Variants in BLK observed in about 807,000 individuals in gnomAD.
BLK encodes the protein tyrosine-protein kinase Blk.
A neutral mutation model predicts 61.8 loss-of-function variants in BLK; 64 were observed. The ratio of observed to expected loss-of-function variants is 1.03; its 90% CI spans 0.85 to 1.27. The LOEUF is 1.27. Among genes scored for constraint, BLK ranks in the 50% most tolerant of loss-of-function variants. The pLI, the probability that BLK is intolerant of heterozygous loss-of-function variation, is 0.00. For missense variants in BLK, 853 were observed against 660.5 expected (o/e 1.29, Z -3.19); for synonymous variants, 351 against 272.0 (o/e 1.29, Z -2.86).
intron 2 of BLK, among the ~76,000 whole-genome samples, chr8:11,543,572 G>GA (rs1800487731): frequency 6.6e-6 from 1 of 152,180 alleles, no homozygotes; most frequent in Non-Finnish European, 1.5e-5. Context: ...GCCTTGAAAA[G>GA]AAAAAGAAAT....
At chr8:11,562,872 G>A (rs1388180662) in intron 11 of BLK, 107 bp from the exon 12 acceptor site, 26 of 1,522,714 alleles carry the variant, frequency 1.7e-5, no homozygotes, top group South Asian at 2.4e-5. Flanking sequence ...GTGAGGCCCC[G>A]CAGTGGGGGC....
intron 10 of BLK, chr8:11,560,971 C>T (rs1209995139): frequency 5.8e-6 from 3 of 521,228 alleles, no homozygotes; most frequent in African/African-American, 3.8e-5. Flanking sequence ...ACCATTTCTT[C>T]TCTTCTCCCT....
intron 2 of BLK, 46 bp from the exon 3 acceptor site, chr8:11,546,006 A>G: frequency 2.5e-6 from 4 of 1,601,954 alleles, no homozygotes; most frequent in Non-Finnish European, 2.6e-6. Context: ...GGCCCCACCC[A>G]CGCAGCAGGG....
At position 11,525,479 on chromosome 8, in the gene BLK, C is replaced by G. The variant is rs564154572; in HGVS notation, c.-1-17745C>G. On this transcript the variant is annotated intron_variant, in intron 1 of 12. Transcript: ENST00000259089. ...GCAGGATTATATCATACAAAACATTCTGCAATTTACTCTTTTCATGTAACA... is the reference window on the plus strand; with the variant it reads ...GCAGGATTATATCATACAAAACATTGTGCAATTTACTCTTTTCATGTAACA... Among the ~76,000 whole-genome samples, 7 of 11,654 alleles carry G rather than the reference C, an allele frequency of 6.0e-4. No homozygotes were observed. The South Asian group carries it at 0.024, about 40-fold the overall frequency. The allele number at this position is 11,654 out of a possible 152,430, so 7.6% of individuals were successfully genotyped here. A position where few individuals can be genotyped will look rare whatever the true frequency, so the allele number is the denominator to read the frequency against.
intron 1 of BLK, among the ~76,000 whole-genome samples, chr8:11,504,075 G>A (rs535054210): frequency 6.6e-6 from 1 of 152,162 alleles, no homozygotes. Context: ...TGTAATCTCA[G>A]TACTTTGGGA....
At chr8:11,509,545 TC>T (rs1200529929) in intron 1 of BLK, 1 of 152,114 alleles carries the variant, frequency 6.6e-6, no homozygotes, top group East Asian at 1.9e-4. Flanking sequence ...TGCCAGTGTT[TC>T]CAGTCTCCCA....
At chr8:11,537,119 C>A (rs150590170) in intron 1 of BLK, among the ~76,000 whole-genome samples, 1 of 152,160 alleles carries the variant, frequency 6.6e-6, no homozygotes, top group Non-Finnish European at 1.5e-5. Context: ...GGTGAGGAAG[C>A]CTCATTTCAG....
At chr8:11,502,446 G>A (rs1369836374) in intron 1 of BLK, among the ~76,000 whole-genome samples, 4 of 152,062 alleles carry the variant, frequency 2.6e-5, no homozygotes. Flanking sequence ...TGGGATTACA[G>A]GCACCCGCCA....
intron 1 of BLK, among the ~76,000 whole-genome samples, chr8:11,534,686 T>G (rs919869184): frequency 6.6e-6 from 1 of 152,176 alleles, no homozygotes; most frequent in Non-Finnish European, 1.5e-5. Context: ...AAAATTGAAA[T>G]GGCCACATAA....
intron 1 of BLK, among the ~76,000 whole-genome samples, chr8:11,533,339 G>C (rs1799970209): frequency 1.3e-5 from 2 of 152,116 alleles, no homozygotes; most frequent in Non-Finnish European, 2.9e-5. Context: ...AAACCCGATG[G>C]AGGTGCTTCT....
In BLK at chr8:11,531,606, G is replaced by C. The variant is rs143503352; in HGVS notation, c.-1-11618G>C. On this transcript the variant is annotated intron_variant, in intron 1 of 12. Coordinates refer to ENST00000259089, the MANE Select transcript of BLK (RefSeq NM_001715.3). ...TTGGGGTTGATATTCTTGAGTCTTC[G>C]GGTCTATAGCTTCTATCAAATTTGG... 5.9e-3 allele frequency among the ~76,000 whole-genome samples: 894 copies of C among 152,158 alleles called. 6 individuals carry two copies. The highest frequency in any genetic ancestry group is 0.01 in the Non-Finnish European group (704 of 67,998).
In BLK at chr8:11,563,486, C is replaced by G. The variant is rs539716504; in HGVS notation, c.1312+376C>G. On this transcript the variant is annotated intron_variant, in intron 12 of 12. Transcript: ENST00000259089. ...CTTCCTGTGTGGCCAGAATCGTGGA[C>G]GACAGCCCCCAGCCCCAGTCGAAGG... Among the ~76,000 whole-genome samples the G allele has an allele frequency of 5.3e-5, 8 of 152,298 alleles. No individual in the cohort carries two copies. The East Asian group carries it at 1.5e-3, about 29-fold the overall frequency.
At chr8:11,525,276 G>A (rs879777575) in intron 1 of BLK, among the ~76,000 whole-genome samples, 1 of 152,272 alleles carries the variant, frequency 6.6e-6, no homozygotes, top group South Asian at 2.1e-4. Context: ...ATTACTTTCT[G>A]TTTAACCCAA....
intron 1 of BLK, among the ~76,000 whole-genome samples, chr8:11,535,052 C>A (rs955355775): frequency 6.6e-6 from 1 of 151,912 alleles, no homozygotes; most frequent in Non-Finnish European, 1.5e-5. Context: ...GCAGCACGTG[C>A]CTGTGGTCCT....
At chr8:11,503,679 C>A (rs1798651511) in intron 1 of BLK, among the ~76,000 whole-genome samples, 1 of 152,134 alleles carries the variant, frequency 6.6e-6, no homozygotes, top group Non-Finnish European at 1.5e-5. Context: ...CTGAGACTTG[C>A]AAGGAGACAC....
intron 1 of BLK, among the ~76,000 whole-genome samples, chr8:11,533,565 G>A (rs1455550198): frequency 1.4e-5 from 2 of 147,586 alleles, no homozygotes; most frequent in Non-Finnish European, 3.0e-5. Flanking sequence ...CTGTGCTTCA[G>A]TTTCTTCCCT....
chr8:11,540,325 A>G (rs913211092), intron 1 of BLK, among the ~76,000 whole-genome samples: 4 of 152,118 alleles, frequency 2.6e-5, no homozygotes, highest in Non-Finnish European at 4.4e-5. Context: ...TCTTTTTCAC[A>G]TACGCGATTC....
intron 3 of BLK, among the ~76,000 whole-genome samples, chr8:11,547,584 C>T (rs926167739): frequency 3.9e-5 from 6 of 152,200 alleles, no homozygotes; most frequent in Admixed American, 6.5e-5. Flanking sequence ...CCAGCTGCCA[C>T]GTGGCAAGAC....
chr8:11,498,551 C>G (rs1454460463), intron 1 of BLK, among the ~76,000 whole-genome samples: 1 of 152,190 alleles, frequency 6.6e-6, no homozygotes, highest in African/African-American at 2.4e-5. Context: ...AGGACTTGGA[C>G]ATAGAAGTCA....
Sources: gnomAD v4.1 joint callset for allele counts (sites outside exome capture counted in the v4.1 genomes callset) on GRCh38, gnomAD v4.1.1 for gene constraint, MANE v1.5 for transcripts, NCBI Gene and HGNC (gene_info 2026-07-23, HGNC 2026-07-21) for gene names.